The following GALNT17 variants were observed in gnomAD, a reference collection of about 807,000 sequenced individuals.
GALNT17 encodes the protein UDP-GalNAc:polypeptide N-acetylgalactosaminyltransferase-like 3.
Under a neutral mutation model 63.7 loss-of-function variants are expected in GALNT17, and 29 were observed. The observed-to-expected ratio is 0.46, with a 90% CI of 0.34 to 0.62. The LOEUF (loss-of-function observed/expected upper bound fraction) is 0.62, where lower values mean the gene tolerates loss of function less well. GALNT17 is among the 20% of genes least tolerant of loss of function. The pLI is 0.01. For synonymous variants in GALNT17, 305 were observed against 318.3 expected, an observed-to-expected ratio of 0.96 and a Z score of 0.45; for missense variants, 603 against 799.6, an observed-to-expected ratio of 0.75 and a Z score of 2.97.
Position 71,160,879 on chromosome 7 carries a change from C to G in GALNT17, c.238+27839C>G, listed in dbSNP as rs539101485. Among the ~76,000 whole-genome samples the G allele has an allele frequency of 3.3e-5, 5 of 152,216 alleles. No individual in the cohort carries two copies. In the South Asian group the frequency reaches 1.0e-3, roughly 32 times the overall value. The stretch of plus-strand genomic sequence containing the variant: ...TTACAGATAAGTCTCACTCCGTTGC[C>G]CAGGCTGTGATGCAGTGGTGTGATG... On this transcript the variant is annotated intron_variant, in intron 1 of 10. Coordinates refer to ENST00000333538, the MANE Select transcript of GALNT17 (RefSeq NM_022479.3).
chr7:71,672,922 A>G (rs1791091957), intron 8 of GALNT17, among the ~76,000 whole-genome samples: 2 of 152,376 alleles, frequency 1.3e-5, no homozygotes, highest in South Asian at 4.1e-4. Flanking sequence ...GAAAAAATAC[A>G]CATGGATGAA....
At chr7:71,684,447 C>T (rs1354787794) in intron 9 of GALNT17, among the ~76,000 whole-genome samples, 4 of 152,196 alleles carry the variant, frequency 2.6e-5, no homozygotes, top group Non-Finnish European at 5.9e-5. Flanking sequence ...AGCTGACCCG[C>T]AGCCCAGGGT....
chr7:71,166,318 C>G (rs1443030991), intron 1 of GALNT17, among the ~76,000 whole-genome samples: 2 of 152,140 alleles, frequency 1.3e-5, no homozygotes, highest in African/African-American at 4.8e-5. Flanking sequence ...TTTACTTGGG[C>G]TTTAAGTTTT....
intron 5 of GALNT17, among the ~76,000 whole-genome samples, chr7:71,479,172 G>A (rs1410269449): frequency 6.6e-6 from 1 of 151,864 alleles, no homozygotes; most frequent in Non-Finnish European, 1.5e-5. Flanking sequence ...ACCAGAAATT[G>A]TCTTTTACAG....
At chr7:71,433,974 T>C (rs1786914299) in intron 5 of GALNT17, among the ~76,000 whole-genome samples, 1 of 152,096 alleles carries the variant, frequency 6.6e-6, no homozygotes, top group Non-Finnish European at 1.5e-5. Context: ...AAGGACTAGA[T>C]TGGCTGAGTC....
intron 5 of GALNT17, among the ~76,000 whole-genome samples, chr7:71,556,318 A>C (rs1475531408): frequency 2.0e-5 from 3 of 152,188 alleles, no homozygotes; most frequent in African/African-American, 7.2e-5. Context: ...AAGTGGTGTT[A>C]AGGAGACTTG....
At chr7:71,482,399 C>T (rs945910895) in intron 5 of GALNT17, among the ~76,000 whole-genome samples, 3 of 152,166 alleles carry the variant, frequency 2.0e-5, no homozygotes, top group African/African-American at 7.2e-5. Context: ...ATCTGCCTGC[C>T]TCGGCCTCAC....
intron 1 of GALNT17, among the ~76,000 whole-genome samples, chr7:71,312,255 A>C (rs1030403430): frequency 6.6e-6 from 1 of 152,196 alleles, no homozygotes; most frequent in Admixed American, 6.5e-5. Flanking sequence ...CCTCAATAAA[A>C]GTTGCAACAC....
chr7:71,169,459 C>T (rs886828941), intron 1 of GALNT17, among the ~76,000 whole-genome samples: 6 of 152,244 alleles, frequency 3.9e-5, no homozygotes, highest in East Asian at 1.9e-4. Context: ...GTGGTTTCAG[C>T]GGGAAAAGCC....
At chr7:71,262,369 G>C (rs1790400551) in intron 1 of GALNT17, among the ~76,000 whole-genome samples, 1 of 152,072 alleles carries the variant, frequency 6.6e-6, no homozygotes, top group South Asian at 2.1e-4. Context: ...TCCTGCCTCA[G>C]CCTCCCAAAG....
chr7:71,186,925 A>G lies in GALNT17; in HGVS notation c.238+53885A>G, dbSNP rs540298509. On this transcript the variant is annotated intron_variant, in intron 1 of 10. Coordinates refer to ENST00000333538, the MANE Select transcript of GALNT17 (RefSeq NM_022479.3). ...TGCGTTTCTCTTTATTTTTCCTTTT[A>G]CTTCCCCAAGGTAAACATTCAAGTA... 9.2e-5 allele frequency among the ~76,000 whole-genome samples: 14 copies of G among 152,012 alleles called. 1 individual carries two copies. Among genetic ancestry groups the G allele is most frequent in the African/African-American group, 3.4e-4 (14 of 41,456 alleles).
chr7:71,382,328 C>T (rs116854747), intron 2 of GALNT17, among the ~76,000 whole-genome samples: 14,522 of 151,934 alleles, frequency 0.096, 896 homozygotes, highest in Middle Eastern at 0.2. Flanking sequence ...TACAGTGAGT[C>T]GAGATCACGC....
At chr7:71,301,745 C>A (rs1791202899) in intron 1 of GALNT17, among the ~76,000 whole-genome samples, 1 of 102,718 alleles carries the variant, frequency 9.7e-6, no homozygotes, top group African/African-American at 3.7e-5. Context: ...AGGTTCTTAC[C>A]ACAAAAAAAA....
chr7:71,528,548 A>G (rs534616827), intron 5 of GALNT17, among the ~76,000 whole-genome samples: 3 of 152,300 alleles, frequency 2.0e-5, no homozygotes, highest in South Asian at 4.1e-4. Context: ...GCCAAAGAGT[A>G]GTACCTATGG....
chr7:71,221,482 G>A (rs765460789), intron 1 of GALNT17, among the ~76,000 whole-genome samples: 10 of 145,112 alleles, frequency 6.9e-5, no homozygotes, highest in Non-Finnish European at 1.3e-4. Flanking sequence ...ATCTCCCTCC[G>A]TAGCCAATTG....
rs1362259890 is a variant in GALNT17, at chr7:71,605,301, GA to G, written c.1080+33901del. Among the ~76,000 whole-genome samples the G allele has an allele frequency of 3.9e-5, 6 of 152,186 alleles. 1 individual carries two copies. The East Asian group carries it at 1.2e-3, about 29-fold the overall frequency. ...GACAGAGGACTGGGTTCCAGGCATA[GA>G]ACTGGCCAACCACGATGGCTCACAC... On this transcript the variant is annotated intron_variant, in intron 6 of 10. Transcript: ENST00000333538.
intron 3 of GALNT17, among the ~76,000 whole-genome samples, chr7:71,405,543 G>A (rs982863154): frequency 1.3e-5 from 2 of 152,120 alleles, no homozygotes; most frequent in African/African-American, 4.8e-5. Context: ...TAACTACTTT[G>A]TATCCATAAA....
intron 6 of GALNT17, among the ~76,000 whole-genome samples, chr7:71,573,416 C>T (rs1789484823): frequency 6.6e-6 from 1 of 152,072 alleles, no homozygotes; most frequent in East Asian, 1.9e-4. Flanking sequence ...CTGCAAGCTC[C>T]ACCTCCTGGG....
At chr7:71,390,212 C>T (rs1020228174) in intron 3 of GALNT17, among the ~76,000 whole-genome samples, 5 of 152,116 alleles carry the variant, frequency 3.3e-5, no homozygotes, top group South Asian at 2.1e-4. Context: ...CAAGCTGCTC[C>T]GTCGTCCGGA....
Sources: gnomAD v4.1 joint callset for allele counts (sites outside exome capture counted in the v4.1 genomes callset) on GRCh38, gnomAD v4.1.1 for gene constraint, MANE v1.5 for transcripts, NCBI Gene and HGNC (gene_info 2026-07-23, HGNC 2026-07-21) for gene names.